SEC16A: variants seen among roughly 807,000 people sequenced by gnomAD.
SEC16A encodes the protein SEC16 homolog A, endoplasmic reticulum export factor.
In SEC16A, 110 loss-of-function variants were observed where a neutral mutation model predicts 221.9. The ratio of observed to expected loss-of-function variants is 0.50; its 90% CI spans 0.42 to 0.58. The LOEUF (loss-of-function observed/expected upper bound fraction) is 0.58. SEC16A is among the 20% of genes least tolerant of loss of function. The probability of loss-of-function intolerance (pLI) is 0.00; values close to 1 mark genes in which losing one functional copy is unlikely to be tolerated. For synonymous variants in SEC16A, 1,393 were observed against 1,257.7 expected, an observed-to-expected ratio of 1.11 and a Z score of -2.28; for missense variants, 3,165 against 3,097.8, an observed-to-expected ratio of 1.02 and a Z score of -0.52.
chr9:136,445,444 C>T (rs1836833501), intron 29 of SEC16A, among the ~76,000 whole-genome samples: 1 of 152,246 alleles, frequency 6.6e-6, no homozygotes, highest in African/African-American at 2.4e-5. Context: ...AAACCCCCTG[C>T]ACCCCTCCTG....
chr9:136,466,709 C>T lies in SEC16A; in HGVS notation c.3930-247G>A, dbSNP rs1377525422. 3.3e-5 allele frequency among the ~76,000 whole-genome samples: 5 copies of T among 152,184 alleles called. No individual in the cohort carries two copies. Among genetic ancestry groups the T allele is most frequent in the African/African-American group, 9.7e-5 (4 of 41,438 alleles). The stretch of plus-strand genomic sequence containing the variant: ...AAGGGACGATGAGAAAGAGTGAGCC[C>T]AATCTCCCAGGTGCTCCCAGAGGTG... On this transcript the variant is annotated intron_variant, in intron 6 of 31. Coordinates refer to ENST00000684901, the MANE Select transcript of SEC16A (RefSeq NM_014866.2). The surrounding 1 kb of genome is among the most constrained non-coding windows in gnomAD (Gnocchi z 5.5).
In SEC16A at chr9:136,459,088, G is replaced by C. The variant is rs751120609; in HGVS notation, c.5409+46C>G. The C allele has an allele frequency of 2.8e-6, 4 of 1,428,450 alleles. No individual in the cohort carries two copies. The highest frequency in any genetic ancestry group is 3.9e-6 in the Non-Finnish European group (4 of 1,031,784). The allele number at this position is 1,428,450 out of a possible 1,614,324, so 88.5% of individuals were successfully genotyped here. ...GTAGCCAAAAGCTTGTTAGCACTGAGTGCCTGCCCAGCCATGACAGCTGCA... is the reference window on the plus strand; with the variant it reads ...GTAGCCAAAAGCTTGTTAGCACTGACTGCCTGCCCAGCCATGACAGCTGCA... On this transcript the variant is annotated intron_variant, in intron 17 of 31. Coordinates refer to ENST00000684901, the MANE Select transcript of SEC16A (RefSeq NM_014866.2). This position sits in a 1 kb window ranked among gnomAD's most constrained non-coding sequence, Gnocchi z 6.1.
At chr9:136,453,357 A>AC in intron 22 of SEC16A, 71 bp downstream of exon 22, 1 of 1,113,728 alleles carries the variant, frequency 9.0e-7, no homozygotes, top group Non-Finnish European at 1.4e-6. Context: ...TTACAACTCA[A>AC]CAAGGAGTCT....
chr9:136,457,207 T>A (rs971733889), intron 18 of SEC16A, among the ~76,000 whole-genome samples: 1 of 152,184 alleles, frequency 6.6e-6, no homozygotes, highest in Admixed American at 6.5e-5. Context: ...GGTAGTTCCT[T>A]CTGATTGTGA....
Position 136,466,305 on chromosome 9 carries a change from G to A in SEC16A, c.4087C>T (p.Leu1363=). 1 of 1,569,866 alleles carries A rather than the reference G, an allele frequency of 6.4e-7. No homozygotes were observed. Among genetic ancestry groups the A allele is most frequent in the Non-Finnish European group, 8.6e-7 (1 of 1,158,126 alleles). ...CTGAGGCTGCTGCGGCGGCTGGCCA[G>A]GCTGTGTGCGCTGTGCAGGCTCCGT... ...SARSLHSAHS[L]ASRRSSLSSH... is the part of the protein sequence containing the mutation. Residue 1363 remains leucine, a synonymous_variant, in exon 7 of 32, where the codon CTG becomes TTG. Coordinates refer to ENST00000684901, the MANE Select transcript of SEC16A (RefSeq NM_014866.2). This position sits in a 1 kb window ranked among gnomAD's most constrained non-coding sequence, Gnocchi z 5.5.
At chr9:136,457,170 G>C (rs1236095024) in intron 18 of SEC16A, among the ~76,000 whole-genome samples, 2 of 152,204 alleles carry the variant, frequency 1.3e-5, no homozygotes, top group African/African-American at 4.8e-5. Context: ...GTGAGACTGC[G>C]TCTCAATAAA....
chr9:136,454,576 C>T (rs1326060259), intron 20 of SEC16A, among the ~76,000 whole-genome samples: 2 of 152,224 alleles, frequency 1.3e-5, no homozygotes, highest in Non-Finnish European at 2.9e-5. Context: ...GGCACGCGGG[C>T]TCCAGGGCCC....
chr9:136,467,145 C>G lies in SEC16A; in HGVS notation c.3803-62G>C. 4 of 1,594,642 alleles carry G rather than the reference C, an allele frequency of 2.5e-6. No homozygotes were observed. In the East Asian group the frequency reaches 9.0e-5, roughly 36 times the overall value. On this transcript the variant is annotated intron_variant, in intron 5 of 31. Transcript: ENST00000684901. ...GCAAAAGAAGAAATGCCTCAGATATCACTAAAGAAGCGACACCACCCCAGG... is the reference window on the plus strand; with the variant it reads ...GCAAAAGAAGAAATGCCTCAGATATGACTAAAGAAGCGACACCACCCCAGG...
chr9:136,452,449 C>CAAAAAAAAAAAAAAAAAAAAAAAAA (rs752510860), intron 22 of SEC16A, among the ~76,000 whole-genome samples: 1 of 23,280 alleles, frequency 4.3e-5, no homozygotes, highest in Non-Finnish European at 7.8e-5. Context: ...AACTCCATCT[C>CAAAAAAAAAAAAAAAAAAAAAAAAA]AAAAAAAAAA....
chr9:136,466,451 CGTT>C lies in SEC16A; in HGVS notation c.3938_3940del (p.Lys1313_Arg1314delinsSer). The stretch of plus-strand genomic sequence containing the variant: ...AGGATCGTACCTCCAGTTGTTGTCA[CGTT>C]TCTCGGGCCTAGAGGAAGCCGGGGG... On this transcript the variant is annotated inframe_deletion, in exon 7 of 32. Transcript: ENST00000684901. This position sits in a 1 kb window ranked among gnomAD's most constrained non-coding sequence, Gnocchi z 5.5. 6.2e-7 allele frequency: 1 copy of C among 1,604,388 alleles called. No homozygotes were observed. Among genetic ancestry groups the C allele is most frequent in the Non-Finnish European group, 8.5e-7 (1 of 1,175,352 alleles).
rs751237063 is a variant in SEC16A, at chr9:136,451,393, C to T, written c.6175G>A (p.Val2059Met). 2 of 1,608,894 alleles carry T rather than the reference C, an allele frequency of 1.2e-6. No homozygotes were observed. Among genetic ancestry groups the T allele is most frequent in the East Asian group, 2.2e-5 (1 of 44,864 alleles). Residue 2059 changes from valine (V) to methionine (M), a missense_variant, in exon 23 of 32, where the codon GTG becomes ATG. Physicochemically the swap from Val to Met is conservative, Grantham distance 21. Around this residue, in one of 3 missense-constraint regions of SEC16A, gnomAD observed 1,088 missense variants for 1,089.6 expected, o/e 1.00. Transcript: ENST00000684901. ...KFANLTPSRTVPDSEAPPGWD... is the reference protein window; with the variant it reads ...KFANLTPSRTMPDSEAPPGWD... ...CCTGGGGGGGCCTCCGAGTCTGGCA[C>T]CGTCCTCGAGGGGGTCTGTCGCAAG...
chr9:136,446,807 G>T, intron 28 of SEC16A, 48 bp downstream of exon 28: 1 of 1,541,682 alleles, frequency 6.5e-7, no homozygotes, highest in Non-Finnish European at 8.7e-7. Flanking sequence ...GGATGGGGAG[G>T]TGCCTCCTCA....
intron 1 of SEC16A, among the ~76,000 whole-genome samples, chr9:136,479,873 G>A (rs1415062698): frequency 1.3e-5 from 2 of 151,820 alleles, no homozygotes; most frequent in African/African-American, 2.4e-5. Context: ...GTGGTGGTGC[G>A]TGCCTGTAGT....
chr9:136,480,147 C>T (rs1384360897), intron 1 of SEC16A, among the ~76,000 whole-genome samples: 2 of 152,186 alleles, frequency 1.3e-5, no homozygotes, highest in Non-Finnish European at 2.9e-5. Context: ...GAAAGGAGAA[C>T]AGGCAGAGCA....
chr9:136,475,704 T>A lies in SEC16A; in HGVS notation c.1912A>T (p.Thr638Ser), dbSNP rs770432903. ...RANVVGEVRETCVRQKQCRPA... is the reference protein window; with the variant it reads ...RANVVGEVRESCVRQKQCRPA... The stretch of plus-strand genomic sequence containing the variant: ...CTGCACTGCTTCTGGCGGACACAGG[T>A]CTCCCTTACTTCACCAACCACGTTG... The change falls in exon 3 of 32, where the codon ACC (threonine) becomes TCC (serine). Residue 638 changes from threonine to serine, a missense_variant. Thr to Ser is a moderately conservative substitution (Grantham distance 58). Transcript: ENST00000684901. The surrounding 1 kb of genome is among the most constrained non-coding windows in gnomAD (Gnocchi z 5.0). 2 of 1,613,308 alleles carry A rather than the reference T, an allele frequency of 1.2e-6. No individual in the cohort carries two copies. Among genetic ancestry groups the A allele is most frequent in the Non-Finnish European group, 1.7e-6 (2 of 1,179,664 alleles).
Position 136,474,944 on chromosome 9 carries a change from C to T in SEC16A, c.2672G>A (p.Ser891Asn). 6.2e-7 allele frequency: 1 copy of T among 1,613,846 alleles called. No individual in the cohort carries two copies. The highest frequency in any genetic ancestry group is 1.1e-5 in the South Asian group (1 of 91,078). ...ENTSLSGIPT[S>N]SVLSLSLPSS... is the part of the protein sequence containing the mutation. ...AGGCAGAGACAAGCTAAGGACAGAG[C>T]TGGTTGGAATCCCAGACAAAGAAGT... Residue 891 changes from serine to asparagine, a missense_variant, in exon 3 of 32, where the codon AGC becomes AAC. Coordinates refer to ENST00000684901, the MANE Select transcript of SEC16A (RefSeq NM_014866.2).
chr9:136,452,881 G>A (rs1459308169), intron 22 of SEC16A, among the ~76,000 whole-genome samples: 2 of 150,638 alleles, frequency 1.3e-5, no homozygotes, highest in Non-Finnish European at 3.0e-5. Flanking sequence ...GACCAGCCTG[G>A]CCAACATGGT....
chr9:136,468,239 C>T (rs540840202), intron 5 of SEC16A, among the ~76,000 whole-genome samples, 176 bp downstream of exon 5: 4 of 152,224 alleles, frequency 2.6e-5, no homozygotes, highest in Non-Finnish European at 4.4e-5. Flanking sequence ...TAATTATTTC[C>T]AAATACAAAG....
Position 136,466,414 on chromosome 9 carries a change from C to T in SEC16A, c.3978G>A (p.Gly1326=), listed in dbSNP as rs1588964624. Residue 1326 remains glycine (G), a synonymous_variant, in exon 7 of 32, where the codon GGG becomes GGA. Coordinates refer to ENST00000684901, the MANE Select transcript of SEC16A (RefSeq NM_014866.2). The surrounding 1 kb of genome is among the most constrained non-coding windows in gnomAD (Gnocchi z 5.5). ...NNWRYDPRFT[G]SFDDDPDPHR... is the part of the protein sequence containing the mutation. Reference sequence around the variant, plus strand: ...GCGGATCGGGGTCATCGTCAAAACTCCCCGTGAAGCGAGGATCGTACCTCC... The same window carrying T: ...GCGGATCGGGGTCATCGTCAAAACTTCCCGTGAAGCGAGGATCGTACCTCC... 1 of 1,607,162 alleles carries T rather than the reference C, an allele frequency of 6.2e-7. No individual in the cohort carries two copies. Among genetic ancestry groups the T allele is most frequent in the Non-Finnish European group, 8.5e-7 (1 of 1,177,110 alleles).
Sources: gnomAD v4.1 joint callset for allele counts (sites outside exome capture counted in the v4.1 genomes callset) on GRCh38, gnomAD v4.1.1 for gene constraint, gnomAD v4.1.1 regional missense constraint, Gnocchi (gnomAD v3.1) non-coding constraint, MANE v1.5 for transcripts, NCBI Gene and HGNC (gene_info 2026-07-23, HGNC 2026-07-21) for gene names.